The following ZBBX variants were observed in gnomAD, a reference collection of about 807,000 sequenced individuals.
ZBBX encodes zinc finger B-box domain containing.
A neutral mutation model predicts 108.5 loss-of-function variants in ZBBX; 101 were observed. The observed-to-expected ratio is 0.93, with a 90% CI of 0.79 to 1.10. The LOEUF (loss-of-function observed/expected upper bound fraction) is 1.10, where lower values mean the gene tolerates loss of function less well. Among genes scored for constraint, ZBBX ranks in the 50% least tolerant of loss-of-function variants. The probability of loss-of-function intolerance (pLI) is 0.00; values close to 1 mark genes in which losing one functional copy is unlikely to be tolerated. For missense variants in ZBBX, 1,009 were observed against 941.4 expected, an observed-to-expected ratio of 1.07 and a Z score of -0.94; for synonymous variants, 356 against 323.4, an observed-to-expected ratio of 1.10 and a Z score of -1.08.
chr3:167,336,647 G>A (rs373695182), intron 9 of ZBBX, among the ~76,000 whole-genome samples: 90 of 152,000 alleles, frequency 5.9e-4, no homozygotes, highest in South Asian at 1.0e-3. Context: ...TTCCCTACTA[G>A]ATTTATGTTA....
chr3:167,400,423 T>C (rs1210460642), intron 1 of ZBBX, among the ~76,000 whole-genome samples: 1 of 152,162 alleles, frequency 6.6e-6, no homozygotes, highest in African/African-American at 2.4e-5. Context: ...TGATATCTTA[T>C]TGTGGTTTTG....
intron 20 of ZBBX, among the ~76,000 whole-genome samples, chr3:167,279,766 C>T (rs1326544652): frequency 6.6e-6 from 1 of 151,954 alleles, no homozygotes; most frequent in South Asian, 2.1e-4. Flanking sequence ...TCATATGGAA[C>T]CAGAAAAGAG....
At chr3:167,183,799 G>C in the ZBBX span, among the ~76,000 whole-genome samples, 2 of 152,112 alleles carry the variant, frequency 1.3e-5, no homozygotes, top group African/African-American at 4.8e-5. Context: ...CAACCTTCAG[G>C]ATGGGCATCA....
intron 20 of ZBBX, among the ~76,000 whole-genome samples, chr3:167,266,600 C>T (rs904505145): frequency 2.0e-5 from 3 of 152,108 alleles, no homozygotes; most frequent in African/African-American, 4.8e-5. Flanking sequence ...TCAGATTTTG[C>T]GGTCCAACCC....
chr3:167,307,936 A>G (rs1448635494), intron 16 of ZBBX, among the ~76,000 whole-genome samples: 1 of 152,200 alleles, frequency 6.6e-6, no homozygotes, highest in Non-Finnish European at 1.5e-5. Flanking sequence ...GCCAAAAGCA[A>G]TAGCAGCAAA....
chr3:167,372,765 T>C, intron 4 of ZBBX, 69 bp downstream of exon 4: 2 of 742,024 alleles, frequency 2.7e-6, no homozygotes, highest in Non-Finnish European at 4.4e-6. Context: ...ATTCACAAAA[T>C]AGTCAAAATT....
chr3:167,287,142 C>G (rs572664855), intron 19 of ZBBX, among the ~76,000 whole-genome samples: 2 of 152,114 alleles, frequency 1.3e-5, no homozygotes, highest in Admixed American at 6.5e-5. Flanking sequence ...ATATATCTAA[C>G]TATTATAGCT....
At chr3:167,386,083 G>A (rs1165098061) in intron 1 of ZBBX, among the ~76,000 whole-genome samples, 2 of 151,950 alleles carry the variant, frequency 1.3e-5, no homozygotes, top group Non-Finnish European at 2.9e-5. Context: ...GATTGAGATT[G>A]AGAGAGAAAA....
chr3:167,219,237 C>G, the ZBBX span, among the ~76,000 whole-genome samples: 1 of 151,872 alleles, frequency 6.6e-6, no homozygotes, highest in Admixed American at 6.6e-5. Flanking sequence ...GACAGGAAAT[C>G]CACAAAAAAA....
intron 11 of ZBBX, among the ~76,000 whole-genome samples, chr3:167,325,206 TG>T (rs930046173): frequency 6.6e-6 from 1 of 152,188 alleles, no homozygotes; most frequent in Non-Finnish European, 1.5e-5. Context: ...CATATTAATC[TG>T]TTCTCACGCT....
intron 9 of ZBBX, among the ~76,000 whole-genome samples, chr3:167,348,348 G>GAA (rs1428829618): frequency 1.1e-4 from 12 of 106,110 alleles, no homozygotes; most frequent in Non-Finnish European, 2.0e-4. Context: ...AAGAAAGAAA[G>GAA]AAAGAAAGAA....
Position 167,290,089 on chromosome 3 carries a change from A to T in ZBBX, c.1880-1106T>A, listed in dbSNP as rs370628433. Among the ~76,000 whole-genome samples the T allele has an allele frequency of 9.9e-5, 15 of 151,996 alleles. No homozygotes were observed. In the East Asian group the frequency reaches 2.9e-3, roughly 29 times the overall value. ...CCCCAGCCACAGACTTATAGATAAA[A>T]CCTCTACCTCCCCGGGACAGAGCAC... is the stretch of plus-strand genomic sequence containing the variant. On this transcript the variant is annotated intron_variant, in intron 18 of 21. Transcript: ENST00000675490.
intron 6 of ZBBX, among the ~76,000 whole-genome samples, chr3:167,364,595 G>A (rs1219528144): frequency 1.3e-5 from 2 of 151,788 alleles, no homozygotes; most frequent in African/African-American, 4.8e-5. Flanking sequence ...CTGTGAAACT[G>A]GAATAATAAT....
chr3:167,304,236 C>T (rs1048158566), intron 17 of ZBBX, among the ~76,000 whole-genome samples: 1 of 152,170 alleles, frequency 6.6e-6, no homozygotes, highest in Non-Finnish European at 1.5e-5. Context: ...TAGTCTTCCT[C>T]TAGGACAAAG....
At chr3:167,381,893 T>C (rs1039487303), upstream of ZBBX, among the ~76,000 whole-genome samples, 7 of 152,152 alleles carry the variant, frequency 4.6e-5, no homozygotes, top group African/African-American at 1.7e-4. Context: ...TAGAAACTAA[T>C]TGAGTTCTGT....
the ZBBX span, among the ~76,000 whole-genome samples, chr3:167,205,281 G>A: frequency 6.6e-6 from 1 of 152,192 alleles, no homozygotes; most frequent in South Asian, 2.1e-4. Context: ...GACACTATGA[G>A]GAGGAAGGAG....
rs754119541 is a variant in ZBBX at position 167,333,880 on chromosome 3, T to G, written c.634A>C (p.Ser212Arg). ...GATTTGGGTTTATGTTGAATTTTACTGGTTTCCTTTGTAGAATTATTCTCC... is the reference window on the plus strand; with the variant it reads ...GATTTGGGTTTATGTTGAATTTTACGGGTTTCCTTTGTAGAATTATTCTCC... ...KEENNSTKET[S>R]KIQHKPKSVL... Residue 212 changes from serine to arginine, a missense_variant, in exon 10 of 22, where the codon AGT (serine) becomes CGT (arginine). Transcript: ENST00000675490. 1 of 1,612,770 alleles carries G rather than the reference T, an allele frequency of 6.2e-7. No homozygotes were observed. Among genetic ancestry groups the G allele is most frequent in the Non-Finnish European group, 8.5e-7 (1 of 1,179,400 alleles).
At chr3:167,227,991 T>A in the ZBBX span, among the ~76,000 whole-genome samples, 53 of 151,860 alleles carry the variant, frequency 3.5e-4, no homozygotes, top group South Asian at 0.011. Context: ...CCAGTGCCAG[T>A]TCCACTCAAG....
At chr3:167,356,395 C>T (rs943468203) in intron 8 of ZBBX, among the ~76,000 whole-genome samples, 8 of 151,918 alleles carry the variant, frequency 5.3e-5, no homozygotes, top group East Asian at 1.9e-4. Context: ...GTGCAGCATT[C>T]GAACTCAGAG....
Sources: gnomAD v4.1 joint callset for allele counts (sites outside exome capture counted in the v4.1 genomes callset) on GRCh38, gnomAD v4.1.1 for gene constraint, MANE v1.5 for transcripts, NCBI Gene and HGNC (gene_info 2026-07-23, HGNC 2026-07-21) for gene names.